ARL15: variants seen among roughly 807,000 people sequenced by gnomAD.
ARL15 encodes ARF like GTPase 15, also known as ADP-ribosylation factor-like protein 15.
ARL15 carries 19 observed loss-of-function variants against 25.2 expected under a neutral mutation model. That is an observed-to-expected ratio of 0.75 (90% CI 0.53 to 1.10). The LOEUF (loss-of-function observed/expected upper bound fraction) is 1.10. ARL15 is among the 50% of genes least tolerant of loss of function. ARL15 has a pLI of 0.00. For synonymous variants in ARL15, 94 were observed against 86.8 expected (o/e 1.08, Z -0.46); for missense variants, 220 against 246.0 (o/e 0.89, Z 0.71).
intron 1 of ARL15, among the ~76,000 whole-genome samples, chr5:54,225,849 T>C (rs771719478): frequency 7.9e-5 from 12 of 152,084 alleles, no homozygotes; most frequent in Non-Finnish European, 1.3e-4. Context: ...AGAAATTCAA[T>C]TGGATTACCA....
chr5:54,247,656 T>G (rs372407203), intron 1 of ARL15, among the ~76,000 whole-genome samples: 5 of 151,864 alleles, frequency 3.3e-5, no homozygotes, highest in East Asian at 3.9e-4. Flanking sequence ...TTTCATATTT[T>G]TTAAATTCAG....
At chr5:54,253,831 C>T (rs1464564842) in intron 1 of ARL15, among the ~76,000 whole-genome samples, 2 of 152,168 alleles carry the variant, frequency 1.3e-5, no homozygotes, top group African/African-American at 4.8e-5. Flanking sequence ...CTCAAGCAAC[C>T]CTCCCACCCT....
intron 3 of ARL15, among the ~76,000 whole-genome samples, chr5:54,141,386 T>C (rs1018099145): frequency 6.6e-6 from 1 of 152,188 alleles, no homozygotes; most frequent in Non-Finnish European, 1.5e-5. Context: ...AAGCTTTTTT[T>C]ACCTTAATCT....
Position 54,073,500 on chromosome 5 carries a change from C to A in ARL15, c.462+39702G>T, listed in dbSNP as rs1751486142. ...ATATAGGTTTCAAGTGAGATTGTTA[C>A]CATTTCACTTCAGAAGTTGGTTAGA... On this transcript the variant is annotated intron_variant, in intron 4 of 4. Coordinates refer to ENST00000504924, the MANE Select transcript of ARL15 (RefSeq NM_019087.3). Among the ~76,000 whole-genome samples, 2 of 151,718 alleles carry A rather than the reference C, an allele frequency of 1.3e-5. 1 individual carries two copies. The highest frequency in any genetic ancestry group is 4.1e-4 in the South Asian group (2 of 4,828).
chr5:53,984,134 C>T (rs947647919), intron 4 of ARL15, among the ~76,000 whole-genome samples: 1 of 152,122 alleles, frequency 6.6e-6, no homozygotes, highest in Non-Finnish European at 1.5e-5. Flanking sequence ...ACTTCTTAAC[C>T]CTTGCCATAA....
intron 1 of ARL15, among the ~76,000 whole-genome samples, chr5:54,308,759 T>G (rs1758822781): frequency 6.6e-6 from 1 of 152,234 alleles, no homozygotes. Context: ...TTTGATAGGT[T>G]TGGCACCTCA....
chr5:53,892,774 T>C (rs765970619), intron 4 of ARL15, among the ~76,000 whole-genome samples: 2 of 152,048 alleles, frequency 1.3e-5, no homozygotes, highest in Non-Finnish European at 2.9e-5. Context: ...GCCTAATTTA[T>C]TTTTTATTTT....
At chr5:54,024,613 CT>C (rs1344271791) in intron 4 of ARL15, among the ~76,000 whole-genome samples, 1 of 152,098 alleles carries the variant, frequency 6.6e-6, no homozygotes, top group African/African-American at 2.4e-5. Flanking sequence ...CTATGAGTTA[CT>C]TTGCAAATAT....
chr5:54,058,122 C>T (rs1339934236), intron 4 of ARL15, among the ~76,000 whole-genome samples: 4 of 151,988 alleles, frequency 2.6e-5, no homozygotes, highest in African/African-American at 7.3e-5. Context: ...TCCCCTGCCT[C>T]AGCCTCCCGA....
intron 4 of ARL15, among the ~76,000 whole-genome samples, chr5:53,992,092 C>A (rs1748521480): frequency 6.6e-6 from 1 of 152,104 alleles, no homozygotes; most frequent in Non-Finnish European, 1.5e-5. Context: ...ATCAAGTTAA[C>A]CTCCAAAAAC....
chr5:54,254,674 T>C (rs1253604462), intron 1 of ARL15, among the ~76,000 whole-genome samples: 1 of 152,222 alleles, frequency 6.6e-6, no homozygotes, highest in Non-Finnish European at 1.5e-5. Context: ...ATAAAGTGGT[T>C]TGACCTGAAG....
At chr5:53,918,097 GTATAAC>G (rs1284205156) in intron 4 of ARL15, among the ~76,000 whole-genome samples, 2 of 152,172 alleles carry the variant, frequency 1.3e-5, no homozygotes, top group Admixed American at 1.3e-4. Flanking sequence ...ATGCCCAAGT[GTATAAC>G]TACTAATGAA....
intron 1 of ARL15, among the ~76,000 whole-genome samples, chr5:54,175,343 T>C (rs959465898): frequency 6.6e-6 from 1 of 151,950 alleles, no homozygotes; most frequent in African/African-American, 2.4e-5. Context: ...TTCTTTCTTT[T>C]TTTTTTTTCA....
intron 4 of ARL15, among the ~76,000 whole-genome samples, chr5:53,975,438 A>G (rs1580133056): frequency 1.3e-5 from 2 of 152,166 alleles, no homozygotes; most frequent in East Asian, 3.9e-4. Flanking sequence ...CTACTCCTCT[A>G]AGAAGTTCTC....
intron 1 of ARL15, among the ~76,000 whole-genome samples, chr5:54,254,089 C>T (rs923782840): frequency 3.3e-5 from 5 of 152,274 alleles, no homozygotes; most frequent in African/African-American, 9.6e-5. Flanking sequence ...CATAAATTTT[C>T]TTTCAAAATT....
chr5:54,274,305 G>C (rs1757867623), intron 1 of ARL15, among the ~76,000 whole-genome samples: 1 of 152,180 alleles, frequency 6.6e-6, no homozygotes, highest in Non-Finnish European at 1.5e-5. Context: ...CTGATCTTGA[G>C]AGAAAAGGAT....
At chr5:54,017,581 G>T in intron 4 of ARL15, among the ~76,000 whole-genome samples, 1 of 86,820 alleles carries the variant, frequency 1.2e-5, no homozygotes. Flanking sequence ...CAGTGCCTTT[G>T]TGGAAGAAAA....
intron 4 of ARL15, among the ~76,000 whole-genome samples, chr5:54,063,110 G>C (rs1351294963): frequency 6.6e-6 from 1 of 152,134 alleles, no homozygotes; most frequent in East Asian, 1.9e-4. Flanking sequence ...AGGATGTCAG[G>C]AAGAGAGAGG....
chr5:54,008,821 T>C (rs1472164607), intron 4 of ARL15, among the ~76,000 whole-genome samples: 1 of 152,232 alleles, frequency 6.6e-6, no homozygotes, highest in African/African-American at 2.4e-5. Context: ...ATTAAAATGT[T>C]AATACTTACG....
Sources: allele counts gnomAD v4.1 joint callset (sites outside exome capture counted in the v4.1 genomes callset), GRCh38; gene constraint gnomAD v4.1.1; transcripts MANE v1.5; gene names NCBI Gene and HGNC (gene_info 2026-07-23, HGNC 2026-07-21).